OSBPL1A: variants seen among roughly 807,000 people sequenced by gnomAD.
OSBPL1A encodes oxysterol-binding protein-related protein 1.
A neutral mutation model predicts 137.1 loss-of-function variants in OSBPL1A; 80 were observed. That is an observed-to-expected ratio of 0.58 (90% CI 0.49 to 0.70). OSBPL1A has a LOEUF of 0.70. Among genes scored for constraint, OSBPL1A ranks in the 30% least tolerant of loss-of-function variants. The pLI, the probability that OSBPL1A is intolerant of heterozygous loss-of-function variation, is 0.00. For missense variants in OSBPL1A, 970 were observed against 1,129.4 expected (o/e 0.86, Z 2.02); for synonymous variants, 365 against 389.7 (o/e 0.94, Z 0.75).
At chr18:24,286,460 C>A (rs2090068705) in intron 14 of OSBPL1A, among the ~76,000 whole-genome samples, 1 of 152,080 alleles carries the variant, frequency 6.6e-6, no homozygotes, top group Non-Finnish European at 1.5e-5. Flanking sequence ...AATTTATATT[C>A]ATTGCACTGG....
At position 24,196,184 on chromosome 18, in the gene OSBPL1A, G is replaced by A; in HGVS notation, c.1618C>T (p.Pro540Ser). 1.2e-6 allele frequency: 2 copies of A among 1,609,694 alleles called. No homozygotes were observed. Among genetic ancestry groups the A allele is most frequent in the South Asian group, 2.2e-5 (2 of 90,962 alleles). The change falls in exon 18 of 28, where the codon CCT becomes TCT. Residue 540 changes from proline to serine, a missense_variant. Physicochemically the swap from Pro to Ser is moderately conservative, Grantham distance 74. Transcript: ENST00000319481. ...CTGAAGTCATTTCTGGAAAACATAG[G>A]AGAAGGCAAACTTGTTCTGAAAAAA... ...IKKHRTSLPS[P>S]MFSRNDFSIW...
At chr18:24,258,255 C>T (rs1305902487) in intron 15 of OSBPL1A, among the ~76,000 whole-genome samples, 2 of 152,052 alleles carry the variant, frequency 1.3e-5, no homozygotes, top group Non-Finnish European at 2.9e-5. Flanking sequence ...AAATGTGGTA[C>T]TTAACACACA....
At chr18:24,350,422 T>G (rs1206456403) in intron 4 of OSBPL1A, among the ~76,000 whole-genome samples, 1 of 152,184 alleles carries the variant, frequency 6.6e-6, no homozygotes, top group African/African-American at 2.4e-5. Context: ...ACTTTTTTTG[T>G]AAGTCACTGT....
chr18:24,350,806 G>A (rs1290694545), intron 4 of OSBPL1A, among the ~76,000 whole-genome samples: 1 of 152,028 alleles, frequency 6.6e-6, no homozygotes, highest in Non-Finnish European at 1.5e-5. Context: ...AAGGTAAGAG[G>A]TATTTCCAGA....
In OSBPL1A at chr18:24,296,817, T is replaced by C. The variant is rs539068912; in HGVS notation, c.1174+6820A>G. On this transcript the variant is annotated intron_variant, in intron 14 of 27. Transcript: ENST00000319481. ...TATATCATATTTATTGACTTGCATA[T>C]ATTAAAGCATCCCTGCATCCCTGGA... Among the ~76,000 whole-genome samples, 28 of 152,304 alleles carry C rather than the reference T, an allele frequency of 1.8e-4. No individual in the cohort carries two copies. The South Asian group carries it at 5.6e-3, about 30-fold the overall frequency.
At chr18:24,396,504 G>A (rs1357294903) in intron 1 of OSBPL1A, among the ~76,000 whole-genome samples, 1 of 152,154 alleles carries the variant, frequency 6.6e-6, no homozygotes, top group East Asian at 1.9e-4. Context: ...GAGTTACACT[G>A]CCTGGGAGAA....
chr18:24,305,940 G>T (rs2090492146), intron 13 of OSBPL1A, among the ~76,000 whole-genome samples: 3 of 152,094 alleles, frequency 2.0e-5, no homozygotes, highest in Admixed American at 2.0e-4. Context: ...CCAGCCATGT[G>T]GAACTGTGAA....
At chr18:24,188,717 A>G (rs1020365266) in intron 18 of OSBPL1A, among the ~76,000 whole-genome samples, 1 of 152,198 alleles carries the variant, frequency 6.6e-6, no homozygotes. Flanking sequence ...TTGCAATTGT[A>G]TTGCCTCCAT....
intron 4 of OSBPL1A, among the ~76,000 whole-genome samples, chr18:24,346,989 A>G (rs2091357196): frequency 6.6e-6 from 1 of 151,750 alleles, no homozygotes; most frequent in Non-Finnish European, 1.5e-5. Context: ...GCCTCAAGCA[A>G]TCCTCCCGCC....
chr18:24,361,240 T>C (rs2091616429), intron 4 of OSBPL1A, among the ~76,000 whole-genome samples: 1 of 152,188 alleles, frequency 6.6e-6, no homozygotes, highest in African/African-American at 2.4e-5. Context: ...TTGCCCAAGC[T>C]GGTCTTGAAC....
intron 14 of OSBPL1A, among the ~76,000 whole-genome samples, chr18:24,299,168 T>C (rs1416606987): frequency 1.8e-5 from 2 of 112,892 alleles, no homozygotes; most frequent in African/African-American, 3.3e-5. Flanking sequence ...TGGTTTGTGA[T>C]TTTTTTATCT....
intron 2 of OSBPL1A, 33 bp from the exon 3 acceptor site, chr18:24,368,405 T>C (rs778114096): frequency 6.6e-7 from 1 of 1,508,572 alleles, no homozygotes; most frequent in Non-Finnish European, 9.2e-7. Flanking sequence ...TATTTTTAGG[T>C]CATATTTAGG....
At chr18:24,354,765 AAAAAAAAAG>A (rs1309145808) in intron 4 of OSBPL1A, among the ~76,000 whole-genome samples, 1 of 151,288 alleles carries the variant, frequency 6.6e-6, no homozygotes, top group Non-Finnish European at 1.5e-5. Context: ...AAAAAAAAAA[AAAAAAAAAG>A]AAAGAAAGAA....
chr18:24,187,734 C>T (rs1460631330), intron 18 of OSBPL1A, among the ~76,000 whole-genome samples: 4 of 152,206 alleles, frequency 2.6e-5, no homozygotes, highest in Admixed American at 2.0e-4. Flanking sequence ...GGATACTTTG[C>T]CCTGACCCAG....
At chr18:24,220,819 GTTTT>G (rs749558777) in intron 17 of OSBPL1A, among the ~76,000 whole-genome samples, 124 of 146,016 alleles carry the variant, frequency 8.5e-4, no homozygotes, top group Non-Finnish European at 7.0e-4. Context: ...TTTTGTTTTG[GTTTT>G]TTTTTTTGAG....
At chr18:24,298,888 T>C (rs1250100648) in intron 14 of OSBPL1A, among the ~76,000 whole-genome samples, 2 of 152,208 alleles carry the variant, frequency 1.3e-5, no homozygotes, top group South Asian at 2.1e-4. Context: ...CTAGTAGTAA[T>C]TGTTTTATAA....
chr18:24,272,140 C>T (rs1033147850), intron 15 of OSBPL1A: 25 of 983,908 alleles, frequency 2.5e-5, no homozygotes, highest in East Asian at 1.1e-4. Flanking sequence ...TCGGGGACTG[C>T]TCCTTGGGCT....
chr18:24,328,661 G>C (rs144735640), intron 7 of OSBPL1A, among the ~76,000 whole-genome samples: 2 of 152,104 alleles, frequency 1.3e-5, no homozygotes, highest in African/African-American at 4.8e-5. Context: ...GTGAACCAGA[G>C]AGCCTCCAGG....
chr18:24,358,095 C>A, intron 4 of OSBPL1A: 1 of 252,042 alleles, frequency 4.0e-6, no homozygotes. Flanking sequence ...TGGGGATGTA[C>A]GTGGAAGAAC....
Sources: gnomAD v4.1 joint callset for allele counts (sites outside exome capture counted in the v4.1 genomes callset) on GRCh38, gnomAD v4.1.1 for gene constraint, MANE v1.5 for transcripts, NCBI Gene and HGNC (gene_info 2026-07-23, HGNC 2026-07-21) for gene names.